The following ABHD3 variants were observed in gnomAD, a reference collection of about 807,000 sequenced individuals.
The protein encoded by ABHD3 is abhydrolase domain containing 3, phospholipase.
A neutral mutation model predicts 48.8 loss-of-function variants in ABHD3; 46 were observed. That is an observed-to-expected ratio of 0.94 (90% CI 0.74 to 1.20). ABHD3 has a LOEUF of 1.20. ABHD3 is among the 50% of genes most tolerant of loss of function. The pLI is 0.00. For missense variants in ABHD3, 490 were observed against 497.8 expected (o/e 0.98, Z 0.15); for synonymous variants, 192 against 183.7 (o/e 1.04, Z -0.36).
chr18:21,659,660 G>GTT (rs1555678449), intron 5 of ABHD3, among the ~76,000 whole-genome samples: 2 of 146,566 alleles, frequency 1.4e-5, no homozygotes. Context: ...ATCACCTAGA[G>GTT]TTTTTTTTTT....
intron 4 of ABHD3, among the ~76,000 whole-genome samples, chr18:21,668,018 T>C (rs1308168590): frequency 6.6e-6 from 1 of 151,290 alleles, no homozygotes; most frequent in Non-Finnish European, 1.5e-5. Context: ...CTGACCAACA[T>C]GGTGAAACCC....
chr18:21,656,234 G>C (rs2039346604), intron 8 of ABHD3, among the ~76,000 whole-genome samples: 1 of 152,112 alleles, frequency 6.6e-6, no homozygotes, highest in East Asian at 1.9e-4. Context: ...GAGTGTAGTG[G>C]CATGATCATA....
At chr18:21,689,939 G>C (rs1670601719) in intron 3 of ABHD3, among the ~76,000 whole-genome samples, 1 of 152,120 alleles carries the variant, frequency 6.6e-6, no homozygotes. Flanking sequence ...CACTCAAACT[G>C]TCCAGAACAC....
intron 4 of ABHD3, among the ~76,000 whole-genome samples, chr18:21,668,581 C>A (rs8090135): frequency 0.013 from 1,968 of 152,078 alleles, 49 homozygotes; most frequent in African/African-American, 0.045. Context: ...TAAGGCCTGG[C>A]AAGGTTGAGT....
At chr18:21,689,494 A>G (rs1484497698) in intron 3 of ABHD3, among the ~76,000 whole-genome samples, 1 of 147,172 alleles carries the variant, frequency 6.8e-6, no homozygotes, top group Non-Finnish European at 1.5e-5. Context: ...GTTTGCAGTG[A>G]GCCAAGATCA....
rs750420770 is a variant in ABHD3 at position 21,656,978 on chromosome 18, C to T, written c.940G>A (p.Gly314Arg). ...FDKRFTSVMF[G>R]YQTIDDYYTD... is the part of the protein sequence containing the mutation. ...TAATAATCATCAATTGTTTGGTATC[C>T]AAACATGACTGAAGTGAATCGCTTA... is the stretch of plus-strand genomic sequence containing the variant. Residue 314 changes from glycine to arginine, a missense_variant, in exon 8 of 9, where the codon GGA becomes AGA. Physicochemically the swap from Gly to Arg is moderately radical, Grantham distance 125 (BLOSUM62 -2). Coordinates refer to ENST00000289119, the MANE Select transcript of ABHD3 (RefSeq NM_138340.5). 6.2e-7 allele frequency: 1 copy of T among 1,614,008 alleles called. No individual in the cohort carries two copies. Among genetic ancestry groups the T allele is most frequent in the Admixed American group, 1.7e-5 (1 of 60,002 alleles).
chr18:21,681,447 C>T (rs2040002573), intron 4 of ABHD3, among the ~76,000 whole-genome samples: 1 of 152,002 alleles, frequency 6.6e-6, no homozygotes, highest in Admixed American at 6.6e-5. Flanking sequence ...TCTTTATTCC[C>T]CCTCCGTCTG....
intron 4 of ABHD3, among the ~76,000 whole-genome samples, chr18:21,669,403 A>G (rs182952621): frequency 6.6e-6 from 1 of 151,796 alleles, no homozygotes; most frequent in Admixed American, 6.6e-5. Context: ...TTTTCCCCCA[A>G]CCCCAAATGC....
At chr18:21,684,561 GAT>G (rs1198236935) in intron 3 of ABHD3, among the ~76,000 whole-genome samples, 1 of 152,022 alleles carries the variant, frequency 6.6e-6, no homozygotes, top group East Asian at 1.9e-4. Context: ...GACCTCAGGT[GAT>G]ACGCCCACCT....
intron 8 of ABHD3, among the ~76,000 whole-genome samples, chr18:21,656,082 G>A (rs1445101951): frequency 1.3e-5 from 2 of 151,994 alleles, no homozygotes; most frequent in Non-Finnish European, 2.9e-5. Flanking sequence ...CTTGAACCCG[G>A]GAGGCGGAGG....
In ABHD3 at chr18:21,651,635, G is replaced by C; in HGVS notation, c.1186C>G (p.Gln396Glu). Residue 396 changes from glutamine to glutamate, a missense_variant, in exon 9 of 9, where the codon CAA (glutamine) becomes GAA (glutamate). By Grantham distance (29) the Gln-to-Glu change is conservative (BLOSUM62 2). Transcript: ENST00000289119. ...TGCTCAACCATGGCTTGCACAAATT[G>C]CTTGAAGACACGATCCATGTAAGTG... ...QSTYMDRVFK[Q>E]FVQAMVEHGH... 1 of 1,614,080 alleles carries C rather than the reference G, an allele frequency of 6.2e-7. No homozygotes were observed. Among genetic ancestry groups the C allele is most frequent in the Non-Finnish European group, 8.5e-7 (1 of 1,180,010 alleles).
At chr18:21,704,336 G>A (rs114396583) in intron 1 of ABHD3, among the ~76,000 whole-genome samples, 168 bp downstream of exon 1, 13,589 of 152,036 alleles carry the variant, frequency 0.089, 2,010 homozygotes, top group African/African-American at 0.31. Context: ...GCGGGCGAAC[G>A]GGCGGGGCCT....
At chr18:21,683,071 T>G (rs930160288) in intron 4 of ABHD3, 1 of 152,992 alleles carries the variant, frequency 6.5e-6, no homozygotes, top group African/African-American at 2.4e-5. Flanking sequence ...ATTTGTGACC[T>G]GATTGTAAAT....
chr18:21,683,861 T>G, intron 4 of ABHD3, 59 bp downstream of exon 4: 4 of 1,465,274 alleles, frequency 2.7e-6, no homozygotes, highest in Non-Finnish European at 3.7e-6. Flanking sequence ...TGCTTTTTGT[T>G]ATAAAACTAG....
intron 3 of ABHD3, among the ~76,000 whole-genome samples, chr18:21,690,476 C>A (rs1004320548): frequency 1.3e-5 from 2 of 151,382 alleles, no homozygotes; most frequent in Non-Finnish European, 2.9e-5. Flanking sequence ...GTGGCAGGTG[C>A]CTGTAATCCC....
chr18:21,678,163 T>C (rs1225571484), intron 4 of ABHD3, among the ~76,000 whole-genome samples: 1 of 150,174 alleles, frequency 6.7e-6, no homozygotes, highest in African/African-American at 2.5e-5. Flanking sequence ...CTATGTTGCC[T>C]AGACTGGTCC....
At chr18:21,657,319 C>T (rs1481315344) in intron 6 of ABHD3, among the ~76,000 whole-genome samples, 167 bp from the exon 7 acceptor site, 4 of 151,454 alleles carry the variant, frequency 2.6e-5, no homozygotes, top group African/African-American at 9.7e-5. Context: ...AATGTTTGTG[C>T]TGAAGATATT....
At chr18:21,677,053 G>A (rs568781569) in intron 4 of ABHD3, among the ~76,000 whole-genome samples, 2 of 152,132 alleles carry the variant, frequency 1.3e-5, no homozygotes, top group African/African-American at 4.8e-5. Flanking sequence ...CAAGCCTTAG[G>A]TGACCATTAA....
At chr18:21,693,042 C>T (rs1310207352) in intron 3 of ABHD3, among the ~76,000 whole-genome samples, 1 of 152,180 alleles carries the variant, frequency 6.6e-6, no homozygotes. Flanking sequence ...CTGTACTACC[C>T]TTTGGCTTGC....
Sources: allele counts gnomAD v4.1 joint callset (sites outside exome capture counted in the v4.1 genomes callset), GRCh38; gene constraint gnomAD v4.1.1; transcripts MANE v1.5; gene names NCBI Gene and HGNC (gene_info 2026-07-23, HGNC 2026-07-21).